The following TAFA2 variants were observed in gnomAD, a reference collection of about 807,000 sequenced individuals.
TAFA2 encodes the protein chemokine-like protein TAFA-2.
In TAFA2, 7 loss-of-function variants were observed where a neutral mutation model predicts 18.8. That is an observed-to-expected ratio of 0.37 (90% CI 0.21 to 0.70). The LOEUF is 0.70. Among genes scored for constraint, TAFA2 ranks in the 30% least tolerant of loss-of-function variants. The probability of loss-of-function intolerance (pLI) is 0.53; values close to 1 mark genes in which losing one functional copy is unlikely to be tolerated. For missense variants in TAFA2, 122 were observed against 158.1 expected, an observed-to-expected ratio of 0.77 and a Z score of 1.23; for synonymous variants, 60 against 54.2, an observed-to-expected ratio of 1.11 and a Z score of -0.47.
chr12:61,738,290 A>AACACAC (rs369001355), intron 4 of TAFA2, among the ~76,000 whole-genome samples: 31,389 of 124,286 alleles, frequency 0.25, 3,684 homozygotes, highest in South Asian at 0.32. Context: ...TGAAAATGAA[A>AACACAC]ACACACACAC....
intron 1 of TAFA2, chr12:62,234,607 A>G (rs1466146949): frequency 6.1e-6 from 5 of 822,906 alleles, no homozygotes; most frequent in Non-Finnish European, 1.1e-5. Context: ...CCGTTGCACA[A>G]ATAGGGCCTC....
chr12:62,033,277 T>G (rs1181526655), intron 1 of TAFA2, among the ~76,000 whole-genome samples: 1 of 152,180 alleles, frequency 6.6e-6, no homozygotes, highest in Non-Finnish European at 1.5e-5. Flanking sequence ...CATACATATA[T>G]TCCTGAGGGT....
chr12:61,946,700 T>A (rs1247382496), intron 1 of TAFA2, among the ~76,000 whole-genome samples: 1 of 1,026 alleles, frequency 9.7e-4, no homozygotes, highest in East Asian at 0.013. Flanking sequence ...AAAAAACACA[T>A]GAAAAAATGC....
intron 1 of TAFA2, among the ~76,000 whole-genome samples, chr12:61,986,937 G>A: frequency 6.6e-6 from 1 of 152,184 alleles, no homozygotes. Context: ...TGCTAATGCT[G>A]CCATCTGCTA....
At chr12:61,985,335 G>C (rs1879775831) in intron 1 of TAFA2, among the ~76,000 whole-genome samples, 1 of 152,160 alleles carries the variant, frequency 6.6e-6, no homozygotes, top group Non-Finnish European at 1.5e-5. Flanking sequence ...TTCGCTCATG[G>C]GAGCCATAAA....
chr12:61,903,529 C>T (rs1191444239), intron 1 of TAFA2, among the ~76,000 whole-genome samples: 1 of 152,086 alleles, frequency 6.6e-6, no homozygotes, highest in Non-Finnish European at 1.5e-5. Flanking sequence ...TCGTCTTCAC[C>T]ACTGTGTTCC....
chr12:61,917,619 G>A (rs925122208), intron 1 of TAFA2, among the ~76,000 whole-genome samples: 1 of 152,128 alleles, frequency 6.6e-6, no homozygotes, highest in African/African-American at 2.4e-5. Context: ...GGATATTGAA[G>A]GGAAGGAGTT....
At chr12:61,934,233 TA>T (rs1390313031) in intron 1 of TAFA2, among the ~76,000 whole-genome samples, 1 of 152,188 alleles carries the variant, frequency 6.6e-6, no homozygotes, top group African/African-American at 2.4e-5. Context: ...AAAACTTCCC[TA>T]ACCAGAAACC....
intron 1 of TAFA2, among the ~76,000 whole-genome samples, chr12:62,058,799 G>T (rs563709231): frequency 6.6e-6 from 1 of 152,092 alleles, no homozygotes; most frequent in Non-Finnish European, 1.5e-5. Context: ...CATCTCTAAA[G>T]AAATTTTAAA....
rs534422612 is a variant in TAFA2, at chr12:61,924,033, G to C, written c.-1-56607C>G. 4.2e-4 allele frequency among the ~76,000 whole-genome samples: 63 copies of C among 149,014 alleles called. 2 individuals are homozygous for C. The highest frequency in any genetic ancestry group is 1.5e-3 in the African/African-American group (61 of 40,902). ...GAAATAAAACATGAAGACAAGATTA[G>C]AGAGAAAAAAAAAAGAAAAGGAACG... On this transcript the variant is annotated intron_variant, in intron 1 of 4. Coordinates refer to ENST00000416284, the MANE Select transcript of TAFA2 (RefSeq NM_178539.5).
intron 1 of TAFA2, among the ~76,000 whole-genome samples, chr12:61,891,383 A>G (rs1565671328): frequency 2.0e-5 from 3 of 152,214 alleles, no homozygotes; most frequent in African/African-American, 4.8e-5. Context: ...GCAGTGGCTC[A>G]TGCCTGTAAT....
intron 2 of TAFA2, among the ~76,000 whole-genome samples, chr12:61,794,747 A>C (rs1328160368): frequency 2.0e-5 from 3 of 152,162 alleles, no homozygotes; most frequent in African/African-American, 7.2e-5. Context: ...ATTCAACTAA[A>C]GAGCTTCTGC....
chr12:61,783,325 G>A (rs925248046), intron 2 of TAFA2, among the ~76,000 whole-genome samples: 22 of 151,622 alleles, frequency 1.5e-4, no homozygotes, highest in African/African-American at 4.1e-4. Context: ...AACTTCATAC[G>A]AATAGACTTT....
intron 2 of TAFA2, among the ~76,000 whole-genome samples, chr12:61,825,240 C>G (rs754516847): frequency 3.9e-5 from 6 of 151,996 alleles, no homozygotes; most frequent in Non-Finnish European, 8.8e-5. Context: ...AAAGGAGGAT[C>G]CAAACAGAAA....
chr12:62,169,850 CAAA>C (rs11373929), intron 1 of TAFA2, among the ~76,000 whole-genome samples: 3 of 90,122 alleles, frequency 3.3e-5, no homozygotes, highest in Admixed American at 1.4e-4. Context: ...GACTCCGTCT[CAAA>C]AAAAAAAAAA....
intron 2 of TAFA2, among the ~76,000 whole-genome samples, chr12:61,834,963 C>T (rs1342382623): frequency 1.3e-5 from 2 of 151,596 alleles, no homozygotes; most frequent in Non-Finnish European, 2.9e-5. Flanking sequence ...TTTTTTCTGT[C>T]ATTTTCTTAA....
chr12:62,193,929 A>G (rs2062637752), upstream of TAFA2, among the ~76,000 whole-genome samples: 1 of 152,226 alleles, frequency 6.6e-6, no homozygotes. Flanking sequence ...GACTAGTTGA[A>G]ATCATTTAAA....
At chr12:62,259,984 G>A (rs924587198), upstream of TAFA2, 118 of 179,990 alleles carry the variant, frequency 6.6e-4, no homozygotes, top group African/African-American at 2.7e-3. Context: ...CCGTCCCCAC[G>A]CCCCCACACC....
chr12:62,147,729 C>CA lies in TAFA2; in HGVS notation c.-2+43529dup, dbSNP rs10552283. Among the ~76,000 whole-genome samples, 494 of 76,340 alleles carry CA rather than the reference C, an allele frequency of 6.5e-3. 6 individuals are homozygous for CA. The highest frequency in any genetic ancestry group is 0.015 in the East Asian group (47 of 3,070). The allele number at this position is 76,340 out of a possible 152,430, so 50.1% of individuals were successfully genotyped here. On this transcript the variant is annotated intron_variant, in intron 1 of 4. Transcript: ENST00000416284. ...TGGGCAACAGAGCAAGACTCTGTCT[C>CA]AAAAAAAAAAAAAAAAAAAAAAGAA...
Sources: gnomAD v4.1 joint callset for allele counts (sites outside exome capture counted in the v4.1 genomes callset) on GRCh38, gnomAD v4.1.1 for gene constraint, MANE v1.5 for transcripts, NCBI Gene and HGNC (gene_info 2026-07-23, HGNC 2026-07-21) for gene names.